Variants in MAP4K5 observed in about 807,000 individuals in gnomAD.
MAP4K5 encodes the protein mitogen-activated protein kinase kinase kinase kinase 5.
In MAP4K5, 82 loss-of-function variants were observed where a neutral mutation model predicts 135.6. The observed-to-expected ratio is 0.60, with a 90% CI of 0.51 to 0.73. MAP4K5 has a LOEUF of 0.73. MAP4K5 is among the 30% of genes least tolerant of loss of function. The pLI is 0.00. For missense variants in MAP4K5, 907 were observed against 1,010.9 expected, an observed-to-expected ratio of 0.90 and a Z score of 1.39; for synonymous variants, 347 against 335.0, an observed-to-expected ratio of 1.04 and a Z score of -0.39.
intron 1 of MAP4K5, among the ~76,000 whole-genome samples, chr14:50,547,999 G>A (rs2038655253): frequency 6.6e-6 from 1 of 152,052 alleles, no homozygotes; most frequent in Non-Finnish European, 1.5e-5. Flanking sequence ...ATGATATCAT[G>A]CTAACCTCAG....
chr14:50,434,837 TAAAC>T (rs1357138105), intron 27 of MAP4K5, 121 bp downstream of exon 27: 2 of 657,462 alleles, frequency 3.0e-6, no homozygotes, highest in African/African-American at 3.7e-5. Flanking sequence ...CTAAATCAAA[TAAAC>T]AACTACAAAT....
intron 24 of MAP4K5, 41 bp downstream of exon 24, chr14:50,438,051 G>T: frequency 9.5e-7 from 1 of 1,057,242 alleles, no homozygotes; most frequent in Non-Finnish European, 1.5e-6. Flanking sequence ...ATCATTTACA[G>T]CAGAGAAATA....
upstream of MAP4K5, among the ~76,000 whole-genome samples, chr14:50,534,970 T>A (rs2038474309): frequency 6.6e-6 from 1 of 152,056 alleles, no homozygotes; most frequent in South Asian, 2.1e-4. Flanking sequence ...GTTAGTTATG[T>A]CATGGTAACT....
At chr14:50,427,044 T>TA (rs1367551378) in intron 30 of MAP4K5, among the ~76,000 whole-genome samples, 7 of 152,156 alleles carry the variant, frequency 4.6e-5, no homozygotes, top group Admixed American at 3.3e-4. Flanking sequence ...CTGTGACAAA[T>TA]AAAAAACCTA....
chr14:50,475,112 A>G lies in MAP4K5; in HGVS notation c.507T>C (p.Ile169=). 2 of 1,613,906 alleles carry G rather than the reference A, an allele frequency of 1.2e-6. No homozygotes were observed. The highest frequency in any genetic ancestry group is 1.7e-6 in the Non-Finnish European group (2 of 1,179,830). The change falls in exon 9 of 33, where the codon ATT becomes ATC. Residue 169 remains isoleucine (I), a synonymous_variant. Coordinates refer to ENST00000682126, the MANE Select transcript of MAP4K5 (RefSeq NM_006575.6). ...TGCCAATGAAAGATTTTCGTTTTGC[A>G]ATGGTAGCTGTTATTTTTGCAGCCA... ...FGVAAKITAT[I]AKRKSFIGTP...
At chr14:50,443,610 A>C in intron 20 of MAP4K5, 119 bp downstream of exon 20, 1 of 797,358 alleles carries the variant, frequency 1.3e-6, no homozygotes. Flanking sequence ...AATGCATTCA[A>C]TATCTTTGTA....
At chr14:50,488,674 C>T (rs185422215) in intron 3 of MAP4K5, among the ~76,000 whole-genome samples, 60 of 152,248 alleles carry the variant, frequency 3.9e-4, no homozygotes, top group African/African-American at 1.3e-3. Flanking sequence ...GTGTTTCCAG[C>T]AGCAGCTATG....
In MAP4K5 at chr14:50,434,520, T is replaced by C; in HGVS notation, c.2038A>G (p.Ile680Val). 6.2e-7 allele frequency: 1 copy of C among 1,604,742 alleles called. No homozygotes were observed. Among genetic ancestry groups the C allele is most frequent in the Non-Finnish European group, 8.5e-7 (1 of 1,175,350 alleles). Residue 680 changes from isoleucine to valine, a missense_variant, in exon 28 of 33, where the codon ATA becomes GTA. By Grantham distance (29) the Ile-to-Val change is conservative. Around this residue, in one of 3 missense-constraint regions of MAP4K5, gnomAD observed 690 missense variants for 777.4 expected, o/e 0.89. Coordinates refer to ENST00000682126, the MANE Select transcript of MAP4K5 (RefSeq NM_006575.6). ...ACCATAGGGTATTCCTGTTCAGGTA[T>C]CACCAGCATTTCAAAAACATTCAAA... The part of the protein sequence containing the change: ...SPLNVFEMLV[I>V]PEQEYPMVCV...
chr14:50,495,519 A>T (rs769091030), intron 3 of MAP4K5, among the ~76,000 whole-genome samples: 2 of 152,244 alleles, frequency 1.3e-5, no homozygotes, highest in Non-Finnish European at 2.9e-5. Flanking sequence ...TTCTCAACAA[A>T]TTAAAGGTGG....
rs974697458 is a variant in MAP4K5 at position 50,424,045 on chromosome 14, T to C, written c.2398-869A>G. Reference sequence around the variant, plus strand: ...GCTTTTTGCCCCTCTTTATTCTCCATTCCTCATTCCATCACTTGTCTTCTG... The same window carrying C: ...GCTTTTTGCCCCTCTTTATTCTCCACTCCTCATTCCATCACTTGTCTTCTG... On this transcript the variant is annotated intron_variant, in intron 31 of 32. Coordinates refer to ENST00000682126, the MANE Select transcript of MAP4K5 (RefSeq NM_006575.6). 2.6e-5 allele frequency among the ~76,000 whole-genome samples: 4 copies of C among 152,218 alleles called. No individual in the cohort carries two copies. The South Asian group carries it at 8.3e-4, about 32-fold the overall frequency.
At position 50,512,605 on chromosome 14, in the gene MAP4K5, C is replaced by T. The variant is rs1163053049; in HGVS notation, c.109-7748G>A. 3.9e-5 allele frequency among the ~76,000 whole-genome samples: 6 copies of T among 152,078 alleles called. No homozygotes were observed. In the East Asian group the frequency reaches 5.8e-4, roughly 15 times the overall value. ...TTTCTCCAAATGAAGAACCGATGGG[C>T]AAATGTTTGTGCTCTGTAATTTTCC... On this transcript the variant is annotated intron_variant, in intron 2 of 32. Transcript: ENST00000682126.
chr14:50,485,190 G>T (rs914549703), intron 5 of MAP4K5, among the ~76,000 whole-genome samples: 1 of 152,054 alleles, frequency 6.6e-6, no homozygotes, highest in Non-Finnish European at 1.5e-5. Flanking sequence ...AAATATTACA[G>T]TAACAAGCAA....
chr14:50,476,611 C>T (rs1371378091), intron 6 of MAP4K5, among the ~76,000 whole-genome samples: 3 of 152,158 alleles, frequency 2.0e-5, no homozygotes, highest in Non-Finnish European at 4.4e-5. Context: ...CAGGCATGCG[C>T]CACTATGCCC....
chr14:50,497,786 A>G (rs2037625360), intron 3 of MAP4K5, among the ~76,000 whole-genome samples: 1 of 152,192 alleles, frequency 6.6e-6, no homozygotes, highest in African/African-American at 2.4e-5. Flanking sequence ...TATTTTATTA[A>G]AAAATACTAA....
chr14:50,455,950 C>T (rs140324133), intron 14 of MAP4K5, among the ~76,000 whole-genome samples: 45 of 152,150 alleles, frequency 3.0e-4, no homozygotes, highest in African/African-American at 9.4e-4. Context: ...AAACTAATCT[C>T]GCTTTTGAAA....
In MAP4K5 at chr14:50,423,568, C is replaced by T. The variant is rs527629659; in HGVS notation, c.2398-392G>A. On this transcript the variant is annotated intron_variant, in intron 31 of 32. Transcript: ENST00000682126. Reference sequence around the variant, plus strand: ...CAAGGCTTGAGGTCAGGAGTTGAGACCAGCCTGGGCAACAAAGTGAGACCC... The same window carrying T: ...CAAGGCTTGAGGTCAGGAGTTGAGATCAGCCTGGGCAACAAAGTGAGACCC... Among the ~76,000 whole-genome samples, 6 of 151,942 alleles carry T rather than the reference C, an allele frequency of 3.9e-5. No individual in the cohort carries two copies. The South Asian group carries it at 1.0e-3, about 26-fold the overall frequency.
chr14:50,528,664 A>C (rs1028454379), intron 2 of MAP4K5, among the ~76,000 whole-genome samples: 4 of 152,178 alleles, frequency 2.6e-5, no homozygotes, highest in Non-Finnish European at 5.9e-5. Flanking sequence ...TCAAGGCTGC[A>C]GTGAGCTGAT....
chr14:50,497,877 C>T (rs1343541842), intron 3 of MAP4K5, among the ~76,000 whole-genome samples: 2 of 151,868 alleles, frequency 1.3e-5, no homozygotes, highest in East Asian at 3.8e-4. Flanking sequence ...ATTAATCATC[C>T]TGGGTAGTGA....
At chr14:50,480,474 C>T (rs979631420) in intron 6 of MAP4K5, among the ~76,000 whole-genome samples, 60 of 150,962 alleles carry the variant, frequency 4.0e-4, no homozygotes, top group African/African-American at 1.4e-3. Flanking sequence ...TTCTCAGCCT[C>T]GGGTAACCAT....
Sources: gnomAD v4.1 joint callset for allele counts (sites outside exome capture counted in the v4.1 genomes callset) on GRCh38, gnomAD v4.1.1 for gene constraint, gnomAD v4.1.1 regional missense constraint, MANE v1.5 for transcripts, NCBI Gene and HGNC (gene_info 2026-07-23, HGNC 2026-07-21) for gene names.